The following RYR2 variants were observed in gnomAD, a reference collection of about 807,000 sequenced individuals.
RYR2 encodes cardiac muscle ryanodine receptor-calcium release channel.
In RYR2, 227 loss-of-function variants were observed where a neutral mutation model predicts 601.1. The observed-to-expected ratio is 0.38, with a 90% CI of 0.34 to 0.42. The LOEUF is 0.42. RYR2 is among the 10% of genes least tolerant of loss of function. The probability of loss-of-function intolerance (pLI) is 1.00; values close to 1 mark genes in which losing one functional copy is unlikely to be tolerated. For missense variants in RYR2, 4,646 were observed against 6,156.5 expected (o/e 0.75, Z 8.21); for synonymous variants, 2,223 against 2,175.1 (o/e 1.02, Z -0.61).
chr1:237,780,837 A>T (rs1695042938), intron 88 of RYR2, among the ~76,000 whole-genome samples: 1 of 152,190 alleles, frequency 6.6e-6, no homozygotes, highest in East Asian at 1.9e-4. Flanking sequence ...TATGGTGCTT[A>T]TATGCCTATA....
At position 237,051,320 on chromosome 1, in the gene RYR2, C is replaced by T. The variant is rs2031015; in HGVS notation, c.48+8751C>T. Among the ~76,000 whole-genome samples, 368 of 135,484 alleles carry T rather than the reference C, an allele frequency of 2.7e-3. 2 individuals are homozygous for T. The highest frequency in any genetic ancestry group is 3.6e-3 in the Middle Eastern group (1 of 276). The allele number at this position is 135,484 out of a possible 152,430, so 88.9% of individuals were successfully genotyped here. On this transcript the variant is annotated intron_variant, in intron 1 of 104. Coordinates refer to ENST00000366574, the MANE Select transcript of RYR2 (RefSeq NM_001035.3). ...TCTCTCTCTTTCTCTTTATCTCTCTCCCTCCCCTCCCCTCCCCTCCCCTCT... is the reference window on the plus strand; with the variant it reads ...TCTCTCTCTTTCTCTTTATCTCTCTTCCTCCCCTCCCCTCCCCTCCCCTCT...
intron 28 of RYR2, among the ~76,000 whole-genome samples, chr1:237,567,150 TA>T (rs1418855377): frequency 2.0e-5 from 3 of 152,200 alleles, no homozygotes; most frequent in Non-Finnish European, 4.4e-5. Flanking sequence ...ATGCTTAATG[TA>T]GTGTTGTTTA....
At chr1:237,334,560 C>G (rs559766586) in intron 3 of RYR2, among the ~76,000 whole-genome samples, 1 of 152,058 alleles carries the variant, frequency 6.6e-6, no homozygotes, top group South Asian at 2.1e-4. Flanking sequence ...TAGGCCAAGA[C>G]CTGTCTATCT....
chr1:237,669,687 G>A (rs1174999892), intron 58 of RYR2, among the ~76,000 whole-genome samples: 4 of 151,692 alleles, frequency 2.6e-5, no homozygotes, highest in Non-Finnish European at 5.9e-5. Flanking sequence ...CATCTCAGAG[G>A]ATGGGCGGCC....
chr1:237,589,758 A>G, intron 29 of RYR2, 35 bp from the exon 30 acceptor site: 1 of 1,581,228 alleles, frequency 6.3e-7, no homozygotes, highest in Non-Finnish European at 8.7e-7. Context: ...TCATATACTA[A>G]TGGTACTAAA....
chr1:237,761,687 G>A (rs1693448052), intron 84 of RYR2, among the ~76,000 whole-genome samples: 1 of 152,178 alleles, frequency 6.6e-6, no homozygotes, highest in Non-Finnish European at 1.5e-5. Flanking sequence ...AACCTTTGCT[G>A]CCCTTTCATT....
chr1:237,503,168 G>A, intron 21 of RYR2, 121 bp from the exon 22 acceptor site: 1 of 798,338 alleles, frequency 1.3e-6, no homozygotes, highest in Non-Finnish European at 2.0e-6. Flanking sequence ...TGGTACGTAG[G>A]GGAAAATGTG....
At chr1:237,282,472 C>G (rs919894612) in intron 2 of RYR2, among the ~76,000 whole-genome samples, 1 of 151,854 alleles carries the variant, frequency 6.6e-6, no homozygotes, top group Non-Finnish European at 1.5e-5. Context: ...TGGTCCATGG[C>G]CATGATGTGC....
At chr1:237,384,736 C>G (rs2149830928) in intron 8 of RYR2, among the ~76,000 whole-genome samples, 1 of 152,310 alleles carries the variant, frequency 6.6e-6, no homozygotes, top group Non-Finnish European at 1.5e-5. Context: ...AGTGATCCTA[C>G]TGGCTCCCTC....
intron 77 of RYR2, among the ~76,000 whole-genome samples, chr1:237,730,600 TATTA>T (rs1294696384): frequency 6.6e-6 from 1 of 152,102 alleles, no homozygotes; most frequent in Non-Finnish European, 1.5e-5. Context: ...ATAGAAGTAT[TATTA>T]ATTAAACATG....
At chr1:237,254,165 C>T (rs962894449) in intron 1 of RYR2, among the ~76,000 whole-genome samples, 4 of 152,084 alleles carry the variant, frequency 2.6e-5, no homozygotes, top group Non-Finnish European at 5.9e-5. Context: ...GGTGTTTATT[C>T]TCCTATGATG....
At chr1:237,469,718 G>C (rs1423343534) in intron 17 of RYR2, among the ~76,000 whole-genome samples, 2 of 152,110 alleles carry the variant, frequency 1.3e-5, no homozygotes, top group African/African-American at 2.4e-5. Flanking sequence ...GTATTCAAAA[G>C]ATTATTTGGA....
chr1:237,641,225 T>C (rs1216295165), intron 47 of RYR2, among the ~76,000 whole-genome samples: 1 of 152,198 alleles, frequency 6.6e-6, no homozygotes, highest in African/African-American at 2.4e-5. Flanking sequence ...ATAGAGTACT[T>C]AAGTTACTCA....
At chr1:237,550,116 A>G (rs559399488) in intron 26 of RYR2, among the ~76,000 whole-genome samples, 1 of 152,262 alleles carries the variant, frequency 6.6e-6, no homozygotes, top group Non-Finnish European at 1.5e-5. Context: ...GAATTTTTTG[A>G]AGAAGGGAAA....
chr1:237,700,543 C>G, intron 65 of RYR2, 76 bp downstream of exon 65: 1 of 719,728 alleles, frequency 1.4e-6, no homozygotes, highest in Non-Finnish European at 2.3e-6. Flanking sequence ...ACAGTAATAG[C>G]CACATCTGGG....
intron 96 of RYR2, among the ~76,000 whole-genome samples, chr1:237,796,402 G>A (rs1410316483): frequency 6.6e-6 from 1 of 152,074 alleles, no homozygotes; most frequent in Admixed American, 6.5e-5. Flanking sequence ...GGAATGTGAG[G>A]ACACAGTCCC....
chr1:237,495,081 A>C (rs188937965), intron 19 of RYR2, among the ~76,000 whole-genome samples: 1 of 152,186 alleles, frequency 6.6e-6, no homozygotes, highest in South Asian at 2.1e-4. Flanking sequence ...GAGCCACTGC[A>C]CCCAGCTAAT....
At chr1:237,357,645 T>G (rs142325992) in intron 4 of RYR2, among the ~76,000 whole-genome samples, 1 of 152,198 alleles carries the variant, frequency 6.6e-6, no homozygotes, top group Non-Finnish European at 1.5e-5. Flanking sequence ...AGTTTATTTG[T>G]AAATCATTGC....
intron 78 of RYR2, among the ~76,000 whole-genome samples, chr1:237,733,230 A>G (rs973682153): frequency 6.6e-6 from 1 of 152,204 alleles, no homozygotes; most frequent in African/African-American, 2.4e-5. Flanking sequence ...CATGCTTCTC[A>G]AAAAGAAGAT....
Sources: allele counts gnomAD v4.1 joint callset (sites outside exome capture counted in the v4.1 genomes callset), GRCh38; gene constraint gnomAD v4.1.1; transcripts MANE v1.5; gene names NCBI Gene and HGNC (gene_info 2026-07-23, HGNC 2026-07-21).